EXT1: variants seen among roughly 807,000 people sequenced by gnomAD.
The protein encoded by EXT1 is exostosin-1.
In EXT1, 20 loss-of-function variants were observed where a neutral mutation model predicts 82.5. That is an observed-to-expected ratio of 0.24 (90% CI 0.17 to 0.35). EXT1 has a LOEUF of 0.35. Ranked by LOEUF, EXT1 falls within the 10% of genes least tolerant of loss-of-function variation. The pLI is 1.00. For synonymous variants in EXT1, 348 were observed against 350.8 expected (o/e 0.99, Z 0.09); for missense variants, 757 against 936.5 (o/e 0.81, Z 2.50).
At chr8:117,865,448 A>G (rs1812760879) in intron 1 of EXT1, among the ~76,000 whole-genome samples, 1 of 152,218 alleles carries the variant, frequency 6.6e-6, no homozygotes, top group Non-Finnish European at 1.5e-5. Flanking sequence ...ATTCAGTGGT[A>G]TCTAGACTTT....
At chr8:117,833,865 T>C (rs1258848543) in intron 3 of EXT1, among the ~76,000 whole-genome samples, 1 of 152,148 alleles carries the variant, frequency 6.6e-6, no homozygotes, top group Non-Finnish European at 1.5e-5. Flanking sequence ...TGCATCACTC[T>C]TGTTTGGCTT....
At chr8:117,949,099 T>C (rs1265979672) in intron 1 of EXT1, among the ~76,000 whole-genome samples, 2 of 152,192 alleles carry the variant, frequency 1.3e-5, no homozygotes, top group African/African-American at 4.8e-5. Context: ...ATTTAAGAGA[T>C]AGGTTAATGT....
Position 117,830,259 on chromosome 8 carries a change from C to T in EXT1, c.1255G>A (p.Val419Ile). The T allele has an allele frequency of 6.2e-7, 1 of 1,614,028 alleles. No homozygotes were observed. Among genetic ancestry groups the T allele is most frequent in the Non-Finnish European group, 8.5e-7 (1 of 1,179,992 alleles). The change falls in exon 4 of 11, where the codon GTT (valine) becomes ATT (isoleucine). Residue 419 changes from valine to isoleucine, a missense_variant. Physicochemically the swap from Val to Ile is conservative, Grantham distance 29 (BLOSUM62 3). Transcript: ENST00000378204. ...QFLWEAYFSS[V>I]EKIVLTTLEI... ...AGTGTAGTTAATACAATCTTCTCAA[C>T]TGAAGAAAAATAAGCCTCCCACAAG...
In EXT1 at chr8:117,917,285, C is replaced by T. The variant is rs1265261915; in HGVS notation, c.963-80084G>A. Among the ~76,000 whole-genome samples, 3 of 152,024 alleles carry T rather than the reference C, an allele frequency of 2.0e-5. No homozygotes were observed. The East Asian group carries it at 5.8e-4, about 29-fold the overall frequency. On this transcript the variant is annotated intron_variant, in intron 1 of 10. Transcript: ENST00000378204. Reference sequence around the variant, plus strand: ...GGTCAGAAGTTAGAGACTAGCTTGGCGGACATGGCTTAATCCCGTCTCTAC... The same window carrying T: ...GGTCAGAAGTTAGAGACTAGCTTGGTGGACATGGCTTAATCCCGTCTCTAC...
chr8:118,051,732 G>A (rs1816720177), intron 1 of EXT1, among the ~76,000 whole-genome samples: 1 of 151,772 alleles, frequency 6.6e-6, no homozygotes, highest in Admixed American at 6.6e-5. Context: ...AGTTGCTTCA[G>A]GTAAACCCAA....
intron 1 of EXT1, among the ~76,000 whole-genome samples, chr8:117,955,925 T>C (rs1409852270): frequency 6.6e-6 from 1 of 152,208 alleles, no homozygotes; most frequent in East Asian, 1.9e-4. Flanking sequence ...CCTGCCCTTA[T>C]GGCAAGGATC....
intron 1 of EXT1, among the ~76,000 whole-genome samples, chr8:118,008,894 C>T (rs960039064): frequency 6.6e-6 from 1 of 152,056 alleles, no homozygotes; most frequent in Admixed American, 6.5e-5. Context: ...TTCTTAGTTC[C>T]AGAAACCAGG....
chr8:117,982,498 C>CT (rs143645683), intron 1 of EXT1, among the ~76,000 whole-genome samples: 3,176 of 149,788 alleles, frequency 0.021, 125 homozygotes, highest in African/African-American at 0.073. Context: ...ATTATTATTA[C>CT]TTTTTTTTTT....
rs1191258592 is a variant in EXT1 at position 117,796,903 on chromosome 8, C to G, written c.*2809G>C. On this transcript the variant is annotated 3_prime_UTR_variant, in exon 11 of 11. Coordinates refer to ENST00000378204, the MANE Select transcript of EXT1 (RefSeq NM_000127.3). ...GCTTTTAAAAAATTACTTTTAAGAT[C>G]CTGTGTCTTAATGTGGAGCTGGGAA... The G allele has an allele frequency of 2.0e-5, 3 of 152,144 alleles. No individual in the cohort carries two copies. The highest frequency in any genetic ancestry group is 7.2e-5 in the African/African-American group (3 of 41,426). The allele number at this position is 152,144 out of a possible 1,614,324, so 9.4% of individuals were successfully genotyped here.
intron 7 of EXT1, among the ~76,000 whole-genome samples, chr8:117,814,234 GGTGTGTGTGTGTGTGT>G: frequency 6.8e-6 from 1 of 146,820 alleles, no homozygotes; most frequent in South Asian, 2.2e-4. Flanking sequence ...CACACACAGT[GGTGTGTGTGTGTGTGT>G]GTGTGTGTGT....
At chr8:117,933,329 C>A (rs1360334245) in intron 1 of EXT1, among the ~76,000 whole-genome samples, 1 of 151,742 alleles carries the variant, frequency 6.6e-6, no homozygotes, top group African/African-American at 2.4e-5. Flanking sequence ...TCACTGCAAC[C>A]TCCACCTCTC....
chr8:117,845,835 C>A (rs1205276217), intron 1 of EXT1, among the ~76,000 whole-genome samples: 6 of 152,130 alleles, frequency 3.9e-5, no homozygotes, highest in Non-Finnish European at 8.8e-5. Context: ...AATCTGTAAT[C>A]TTTACTGTGC....
chr8:117,873,418 G>A (rs1812908269), intron 1 of EXT1, among the ~76,000 whole-genome samples: 1 of 144,666 alleles, frequency 6.9e-6, no homozygotes, highest in Non-Finnish European at 1.5e-5. Context: ...AAATTAGCAA[G>A]TATGGTTAAG....
At chr8:118,098,388 G>C (rs1341222712) in intron 1 of EXT1, among the ~76,000 whole-genome samples, 3 of 152,008 alleles carry the variant, frequency 2.0e-5, no homozygotes. Context: ...GCCAGCCCTA[G>C]CCCTAGGCTA....
chr8:118,005,985 C>T (rs1220701013), intron 1 of EXT1, among the ~76,000 whole-genome samples: 1 of 152,182 alleles, frequency 6.6e-6, no homozygotes, highest in Non-Finnish European at 1.5e-5. Context: ...CAGGACAATT[C>T]TTATTACTCT....
chr8:118,050,663 T>C (rs1816703098), intron 1 of EXT1, among the ~76,000 whole-genome samples: 1 of 152,234 alleles, frequency 6.6e-6, no homozygotes, highest in Admixed American at 6.5e-5. Flanking sequence ...TAAAACTTTA[T>C]TTATGAACAC....
intron 1 of EXT1, among the ~76,000 whole-genome samples, chr8:118,032,963 A>G (rs1365924950): frequency 6.6e-6 from 1 of 152,240 alleles, no homozygotes; most frequent in African/African-American, 2.4e-5. Flanking sequence ...ACTTAAAAAA[A>G]TGCAGCACAA....
At chr8:118,062,394 G>A (rs1383309900) in intron 1 of EXT1, among the ~76,000 whole-genome samples, 3 of 152,096 alleles carry the variant, frequency 2.0e-5, no homozygotes, top group Non-Finnish European at 4.4e-5. Context: ...TGCACTTCAC[G>A]CTATATACAA....
intron 1 of EXT1, among the ~76,000 whole-genome samples, chr8:118,080,857 C>T (rs1177359464): frequency 6.6e-6 from 1 of 152,080 alleles, no homozygotes. Context: ...AAATGTGGTT[C>T]CCATTCTGGT....
Sources: gnomAD v4.1 joint callset for allele counts (sites outside exome capture counted in the v4.1 genomes callset) on GRCh38, gnomAD v4.1.1 for gene constraint, MANE v1.5 for transcripts, NCBI Gene and HGNC (gene_info 2026-07-23, HGNC 2026-07-21) for gene names.